ARNT2: variants seen among roughly 807,000 people sequenced by gnomAD.
ARNT2 encodes the protein ARNT protein 2.
In ARNT2, 36 loss-of-function variants were observed where a neutral mutation model predicts 91.7. That is an observed-to-expected ratio of 0.39 (90% CI 0.30 to 0.52). ARNT2 has a LOEUF of 0.52. Among genes scored for constraint, ARNT2 ranks in the 20% least tolerant of loss-of-function variants. The probability of loss-of-function intolerance (pLI) is 0.72; values close to 1 mark genes in which losing one functional copy is unlikely to be tolerated. For missense variants in ARNT2, 775 were observed against 939.3 expected (o/e 0.83, Z 2.29); for synonymous variants, 365 against 347.1 (o/e 1.05, Z -0.57).
chr15:80,443,718 C>G (rs909478728), intron 1 of ARNT2, among the ~76,000 whole-genome samples: 1 of 152,120 alleles, frequency 6.6e-6, no homozygotes, highest in African/African-American at 2.4e-5. Context: ...CCTGGAAAAC[C>G]AGGCGAAAAT....
intron 17 of ARNT2, among the ~76,000 whole-genome samples, chr15:80,583,396 A>G (rs1433599484): frequency 1.3e-5 from 2 of 152,200 alleles, no homozygotes; most frequent in Non-Finnish European, 1.5e-5. Context: ...AACAAATGCC[A>G]GGCCCTGAAG....
intron 8 of ARNT2, among the ~76,000 whole-genome samples, chr15:80,549,111 T>C (rs1898038112): frequency 6.6e-6 from 1 of 152,138 alleles, no homozygotes; most frequent in South Asian, 2.1e-4. Context: ...AATTATATGA[T>C]AAAGTTGGCA....
intron 8 of ARNT2, among the ~76,000 whole-genome samples, chr15:80,544,023 G>A (rs778721099): frequency 2.0e-5 from 3 of 152,146 alleles, no homozygotes; most frequent in African/African-American, 4.8e-5. Context: ...TTACAGGTGT[G>A]AGCCACCACA....
At chr15:80,416,446 G>A (rs1595953137) in intron 1 of ARNT2, among the ~76,000 whole-genome samples, 1 of 152,080 alleles carries the variant, frequency 6.6e-6, no homozygotes. Flanking sequence ...CAAAAATCAG[G>A]AAGTTGGCAT....
intron 1 of ARNT2, among the ~76,000 whole-genome samples, chr15:80,450,335 G>A (rs1036776627): frequency 2.6e-4 from 39 of 152,288 alleles, no homozygotes; most frequent in African/African-American, 8.9e-4. Flanking sequence ...CACTGTCTTC[G>A]TCAATAACAG....
chr15:80,423,133 GAAT>G (rs1247096828), intron 1 of ARNT2, among the ~76,000 whole-genome samples: 1 of 152,238 alleles, frequency 6.6e-6, no homozygotes, highest in African/African-American at 2.4e-5. Context: ...TGTAAAATGA[GAAT>G]AATAATAATA....
chr15:80,485,925 A>G (rs1044895530), intron 5 of ARNT2, among the ~76,000 whole-genome samples: 22 of 152,174 alleles, frequency 1.4e-4, no homozygotes, highest in Admixed American at 7.9e-4. Context: ...GCCGTAGTAC[A>G]TTACTACAAA....
At chr15:80,579,779 G>A (rs1305858933) in intron 15 of ARNT2, among the ~76,000 whole-genome samples, 1 of 152,230 alleles carries the variant, frequency 6.6e-6, no homozygotes, top group Non-Finnish European at 1.5e-5. Flanking sequence ...CAGGGTCAGA[G>A]ATTTAGCCTG....
intron 8 of ARNT2, among the ~76,000 whole-genome samples, chr15:80,524,829 T>C (rs2141436437): frequency 6.6e-6 from 1 of 150,694 alleles, no homozygotes; most frequent in South Asian, 2.1e-4. Flanking sequence ...GAGCAGAGAT[T>C]GCGCCATTGC....
At chr15:80,526,279 G>A (rs919162404) in intron 8 of ARNT2, among the ~76,000 whole-genome samples, 4 of 152,130 alleles carry the variant, frequency 2.6e-5, no homozygotes, top group African/African-American at 9.7e-5. Context: ...AATGCTTCAG[G>A]TGTTCATTCT....
intron 5 of ARNT2, among the ~76,000 whole-genome samples, chr15:80,490,030 G>A (rs73489386): frequency 0.02 from 3,072 of 152,154 alleles, 82 homozygotes; most frequent in African/African-American, 0.07. Context: ...ACCGTAGGCA[G>A]CTTTGTCTTG....
chr15:80,464,492 G>A (rs929655279), intron 3 of ARNT2, among the ~76,000 whole-genome samples: 4 of 152,210 alleles, frequency 2.6e-5, no homozygotes, highest in Non-Finnish European at 5.9e-5. Context: ...ACTCCTCCCT[G>A]TGTTTTGGGT....
intron 5 of ARNT2, chr15:80,475,559 CAAAAAAAAAA>C (rs35720455): frequency 2.2e-5 from 2 of 91,200 alleles, no homozygotes; most frequent in African/African-American, 3.9e-5. Context: ...GACTCTGTCT[CAAAAAAAAAA>C]AAAAAAAAAA....
chr15:80,511,204 G>GA (rs1226188114), intron 6 of ARNT2, among the ~76,000 whole-genome samples: 4 of 152,128 alleles, frequency 2.6e-5, no homozygotes, highest in African/African-American at 7.2e-5. Context: ...TCATAAAAAA[G>GA]AAAAAGATCA....
In ARNT2 at chr15:80,563,792, A is replaced by G. The variant is rs1898417218; in HGVS notation, c.1316+553A>G. On this transcript the variant is annotated intron_variant, in intron 12 of 18. Coordinates refer to ENST00000303329, the MANE Select transcript of ARNT2 (RefSeq NM_014862.4). ...TCCCAAGATCTCTGCTGGAATCACCACTCCTGTGTTCCATGCATGTTAGCA... is the reference window on the plus strand; with the variant it reads ...TCCCAAGATCTCTGCTGGAATCACCGCTCCTGTGTTCCATGCATGTTAGCA... Among the ~76,000 whole-genome samples the G allele has an allele frequency of 2.0e-5, 3 of 151,410 alleles. No homozygotes were observed. In the South Asian group the frequency reaches 6.3e-4, roughly 32 times the overall value.
intron 14 of ARNT2, among the ~76,000 whole-genome samples, chr15:80,575,474 A>G (rs1038339826): frequency 5.3e-5 from 8 of 152,190 alleles, no homozygotes; most frequent in African/African-American, 1.9e-4. Flanking sequence ...GAACTGTCAC[A>G]TTGGAGCCTG....
intron 8 of ARNT2, among the ~76,000 whole-genome samples, chr15:80,544,023 G>T (rs778721099): frequency 5.2e-4 from 79 of 152,264 alleles, no homozygotes; most frequent in Middle Eastern, 6.8e-3. Context: ...TTACAGGTGT[G>T]AGCCACCACA....
intron 16 of ARNT2, 88 bp from the exon 17 acceptor site, chr15:80,581,151 C>T: frequency 6.7e-7 from 1 of 1,501,878 alleles, no homozygotes; most frequent in Non-Finnish European, 9.2e-7. Flanking sequence ...AGAGCAGGCA[C>T]TGCCCCTGCG....
chr15:80,585,324 A>G (rs1286254285), intron 17 of ARNT2, among the ~76,000 whole-genome samples: 1 of 152,182 alleles, frequency 6.6e-6, no homozygotes, highest in Non-Finnish European at 1.5e-5. Context: ...GTAAGTGGGG[A>G]AAGTGTTGTG....
Sources: gnomAD v4.1 joint callset for allele counts (sites outside exome capture counted in the v4.1 genomes callset) on GRCh38, gnomAD v4.1.1 for gene constraint, MANE v1.5 for transcripts, NCBI Gene and HGNC (gene_info 2026-07-23, HGNC 2026-07-21) for gene names.